Variants in CNTNAP2 observed in about 807,000 individuals in gnomAD.
CNTNAP2 encodes the protein contactin associated protein 2, also known as contactin-associated protein-like 2.
A neutral mutation model predicts 155.2 loss-of-function variants in CNTNAP2; 98 were observed. The ratio of observed to expected loss-of-function variants is 0.63; its 90% confidence interval spans 0.54 to 0.75. The LOEUF (loss-of-function observed/expected upper bound fraction) is 0.75. Ranked by LOEUF, CNTNAP2 falls within the 30% of genes least tolerant of loss-of-function variation. The pLI, the probability that CNTNAP2 is intolerant of heterozygous loss-of-function variation, is 0.00. For synonymous variants in CNTNAP2, 651 were observed against 631.2 expected (o/e 1.03, Z -0.47); for missense variants, 1,727 against 1,688.1 (o/e 1.02, Z -0.40).
intron 21 of CNTNAP2, among the ~76,000 whole-genome samples, chr7:148,338,140 G>T (rs984532368): frequency 6.6e-6 from 1 of 152,126 alleles, no homozygotes; most frequent in South Asian, 2.1e-4. Context: ...TTTCTGTCCC[G>T]ACAGTTTGCC....
chr7:147,250,412 T>C (rs1804171418), intron 8 of CNTNAP2, among the ~76,000 whole-genome samples: 1 of 152,066 alleles, frequency 6.6e-6, no homozygotes, highest in African/African-American at 2.4e-5. Context: ...CAGATGGAGA[T>C]TCCGAAGTGG....
intron 10 of CNTNAP2, among the ~76,000 whole-genome samples, chr7:147,430,961 T>C (rs1387934244): frequency 6.6e-6 from 1 of 151,020 alleles, no homozygotes; most frequent in East Asian, 2.0e-4. Flanking sequence ...GGCAGGAGAA[T>C]GGCGTGAACC....
intron 12 of CNTNAP2, among the ~76,000 whole-genome samples, chr7:147,575,780 A>C (rs959976253): frequency 2.0e-5 from 3 of 152,016 alleles, no homozygotes; most frequent in African/African-American, 7.2e-5. Context: ...GAGTGTCATA[A>C]TTCTTAAAGT....
intron 13 of CNTNAP2, among the ~76,000 whole-genome samples, chr7:147,694,011 C>T (rs774512284): frequency 5.3e-5 from 8 of 151,974 alleles, no homozygotes; most frequent in South Asian, 4.1e-4. Flanking sequence ...AGGAAGCTCC[C>T]CTTTATTACT....
At chr7:147,098,802 T>C (rs983225716) in intron 4 of CNTNAP2, among the ~76,000 whole-genome samples, 10 of 152,164 alleles carry the variant, frequency 6.6e-5, no homozygotes, top group African/African-American at 9.7e-5. Context: ...ACTTTATTAA[T>C]ACTTTATATT....
intron 15 of CNTNAP2, among the ~76,000 whole-genome samples, chr7:148,011,439 A>G (rs1317255653): frequency 1.3e-5 from 2 of 152,174 alleles, no homozygotes; most frequent in Non-Finnish European, 2.9e-5. Context: ...GGTCTGTCTT[A>G]CAAGTGTCTT....
chr7:147,824,437 G>A (rs1798413980), intron 13 of CNTNAP2, among the ~76,000 whole-genome samples: 1 of 152,192 alleles, frequency 6.6e-6, no homozygotes, highest in Admixed American at 6.6e-5. Context: ...GGAGAGGTGG[G>A]GGAAGTTCCA....
chr7:146,538,250 C>G lies in CNTNAP2; in HGVS notation c.98-236021C>G, dbSNP rs955988025. 2.0e-5 allele frequency among the ~76,000 whole-genome samples: 3 copies of G among 152,116 alleles called. No homozygotes were observed. In the South Asian group the frequency reaches 6.2e-4, roughly 32 times the overall value. ...ATTAATCAACTTTAATTTATGTGGC[C>G]ATGACAAACAACCTCAAGTCTTTCC... On this transcript the variant is annotated intron_variant, in intron 1 of 23. Transcript: ENST00000361727.
chr7:147,379,217 G>A (rs1259984806), intron 9 of CNTNAP2, among the ~76,000 whole-genome samples: 2 of 152,054 alleles, frequency 1.3e-5, no homozygotes, highest in African/African-American at 4.8e-5. Flanking sequence ...TTAGCAGTAT[G>A]AGAACAGCCT....
At chr7:147,848,265 A>G (rs908674773) in intron 13 of CNTNAP2, among the ~76,000 whole-genome samples, 39 of 146,634 alleles carry the variant, frequency 2.7e-4, no homozygotes, top group African/African-American at 8.2e-4. Context: ...TAGGCGTAGG[A>G]CCCTCTGAGC....
intron 12 of CNTNAP2, among the ~76,000 whole-genome samples, chr7:147,571,004 A>T (rs1046727117): frequency 6.6e-6 from 1 of 152,192 alleles, no homozygotes; most frequent in Non-Finnish European, 1.5e-5. Context: ...TTTTTGTTAT[A>T]AACAATTTAC....
chr7:147,300,285 T>C lies in CNTNAP2; in HGVS notation c.1493T>C (p.Phe498Ser). 1.2e-6 allele frequency: 2 copies of C among 1,613,672 alleles called. No homozygotes were observed. Among genetic ancestry groups the C allele is most frequent in the East Asian group, 2.2e-5 (1 of 44,852 alleles). ...GTTAAAACTGGCGAGAAGTACTTTT[T>C]TGGAGGTAAGAATGCCATTCCTTTT... ...LQVKTGEKYF[F>S]GGFLNQMNNS... The change falls in exon 9 of 24, where the codon TTT (phenylalanine) becomes TCT (serine). Residue 498 changes from phenylalanine (F) to serine (S), a missense_variant. Physicochemically the swap from Phe to Ser is radical, Grantham distance 155. Transcript: ENST00000361727.
At chr7:147,124,780 C>T (rs975379129) in intron 6 of CNTNAP2, among the ~76,000 whole-genome samples, 30 of 151,426 alleles carry the variant, frequency 2.0e-4, no homozygotes, top group Admixed American at 2.0e-3. Context: ...ATTAAATATA[C>T]TTACCACAAT....
At chr7:146,832,203 T>C (rs1803526317) in intron 2 of CNTNAP2, among the ~76,000 whole-genome samples, 1 of 152,230 alleles carries the variant, frequency 6.6e-6, no homozygotes, top group African/African-American at 2.4e-5. Context: ...GTTACTGTTT[T>C]TGTATCAATT....
At chr7:146,622,682 C>G (rs537996559) in intron 1 of CNTNAP2, among the ~76,000 whole-genome samples, 1 of 152,052 alleles carries the variant, frequency 6.6e-6, no homozygotes. Flanking sequence ...CCAGGCTGGG[C>G]GCAGTGGCTC....
intron 14 of CNTNAP2, among the ~76,000 whole-genome samples, chr7:147,912,917 G>A (rs148170822): frequency 2.8e-4 from 43 of 152,296 alleles, no homozygotes; most frequent in South Asian, 1.5e-3. Flanking sequence ...CGGGAGCATC[G>A]CTGTGGTCTG....
intron 5 of CNTNAP2, among the ~76,000 whole-genome samples, chr7:147,111,537 T>C (rs1338224980): frequency 6.6e-6 from 1 of 152,174 alleles, no homozygotes; most frequent in African/African-American, 2.4e-5. Flanking sequence ...TTTGAATTGA[T>C]TTTTTTGTAC....
intron 1 of CNTNAP2, among the ~76,000 whole-genome samples, chr7:146,228,959 A>G (rs1395571065): frequency 6.6e-6 from 1 of 152,190 alleles, no homozygotes; most frequent in Admixed American, 6.5e-5. Flanking sequence ...TTATGTAATT[A>G]TCTTTCGAAT....
At position 146,749,977 on chromosome 7, in the gene CNTNAP2, G is replaced by A. The variant is rs1801875029; in HGVS notation, c.98-24294G>A. 2.0e-5 allele frequency among the ~76,000 whole-genome samples: 3 copies of A among 152,142 alleles called. No individual in the cohort carries two copies. The South Asian group carries it at 6.2e-4, about 32-fold the overall frequency. ...GCACAGTTTCTTCATGTTTAAAGAT[G>A]AGCCATGGGTTTCCTTTTATATTTT... is the stretch of plus-strand genomic sequence containing the variant. On this transcript the variant is annotated intron_variant, in intron 1 of 23. Coordinates refer to ENST00000361727, the MANE Select transcript of CNTNAP2 (RefSeq NM_014141.6).
Sources: allele counts gnomAD v4.1 joint callset (sites outside exome capture counted in the v4.1 genomes callset), GRCh38; gene constraint gnomAD v4.1.1; transcripts MANE v1.5; gene names NCBI Gene and HGNC (gene_info 2026-07-23, HGNC 2026-07-21).